Variants in COL11A1 observed in about 807,000 individuals in gnomAD.
COL11A1 encodes the protein collagen alpha-1(XI) chain.
Under a neutral mutation model 265.2 loss-of-function variants are expected in COL11A1, and 74 were observed. That is an observed-to-expected ratio of 0.28 (90% CI 0.23 to 0.34). The LOEUF (loss-of-function observed/expected upper bound fraction) is 0.34, where lower values mean the gene tolerates loss of function less well. Among genes scored for constraint, COL11A1 ranks in the 10% least tolerant of loss-of-function variants. The probability of loss-of-function intolerance (pLI) is 1.00; values close to 1 mark genes in which losing one functional copy is unlikely to be tolerated. For synonymous variants in COL11A1, 816 were observed against 727.6 expected, an observed-to-expected ratio of 1.12 and a Z score of -1.96; for missense variants, 2,165 against 2,263.6, an observed-to-expected ratio of 0.96 and a Z score of 0.88.
chr1:102,910,638 ACT>A (rs1262739527), intron 54 of COL11A1, among the ~76,000 whole-genome samples: 2 of 151,778 alleles, frequency 1.3e-5, no homozygotes, highest in Non-Finnish European at 2.9e-5. Flanking sequence ...CTATGCCATA[ACT>A]CAGTGCTAAC....
At chr1:103,078,901 T>G in intron 2 of COL11A1, 30 bp from the exon 3 acceptor site, 1 of 1,417,792 alleles carries the variant, frequency 7.1e-7, no homozygotes, top group Non-Finnish European at 9.8e-7. Flanking sequence ...GAGTTAGAAA[T>G]TTCCAATTTC....
Position 102,878,039 on chromosome 1 carries a change from G to A in COL11A1, c.5401C>T (p.Pro1801Ser), listed in dbSNP as rs772836164. 5 of 1,613,418 alleles carry A rather than the reference G, an allele frequency of 3.1e-6. No homozygotes were observed. Among genetic ancestry groups the A allele is most frequent in the Non-Finnish European group, 3.4e-6 (4 of 1,179,658 alleles). The stretch of plus-strand genomic sequence containing the variant: ...TAATCTTAGCCAAGAAAACAAACAG[G>A]ACCAACTTCAAATCCGAACTTCTGA... The part of the protein sequence containing the change: ...QNQKFGFEVG[P>S]VCFLG Residue 1801 changes from proline to serine, a missense_variant, in exon 67 of 67, where the codon CCT (proline) becomes TCT (serine). Transcript: ENST00000370096.
At chr1:103,035,820 GT>G (rs71795715) in intron 4 of COL11A1, among the ~76,000 whole-genome samples, 2 of 151,652 alleles carry the variant, frequency 1.3e-5, no homozygotes, top group East Asian at 1.9e-4. Flanking sequence ...TAGTTTCTGA[GT>G]TTTTTTGTAA....
intron 41 of COL11A1, among the ~76,000 whole-genome samples, chr1:102,957,748 G>A (rs149310439): frequency 1.1e-4 from 16 of 152,064 alleles, no homozygotes; most frequent in African/African-American, 3.6e-4. Flanking sequence ...ATGAGTTTAT[G>A]TAAAGTGCTA....
At chr1:103,044,548 A>G (rs760257048) in intron 4 of COL11A1, among the ~76,000 whole-genome samples, 11 of 152,106 alleles carry the variant, frequency 7.2e-5, no homozygotes, top group Non-Finnish European at 1.3e-4. Flanking sequence ...CTAGGTTATC[A>G]ATGTTAAACA....
intron 41 of COL11A1, among the ~76,000 whole-genome samples, chr1:102,958,555 T>A (rs916056951): frequency 6.6e-6 from 1 of 152,156 alleles, no homozygotes; most frequent in Non-Finnish European, 1.5e-5. Context: ...AACTGAGTCA[T>A]CATCATGCAC....
chr1:102,894,040 G>A (rs1050330743), intron 57 of COL11A1, among the ~76,000 whole-genome samples: 6 of 152,082 alleles, frequency 3.9e-5, no homozygotes, highest in Non-Finnish European at 7.4e-5. Context: ...CATAAATGCT[G>A]AATAATTTTT....
chr1:102,970,078 C>T, intron 37 of COL11A1, 141 bp downstream of exon 37: 2 of 490,870 alleles, frequency 4.1e-6, no homozygotes, highest in Admixed American at 3.4e-5. Flanking sequence ...ATGTATATTT[C>T]AATAAAAGGC....
At chr1:102,995,493 G>T (rs1292381324) in intron 28 of COL11A1, among the ~76,000 whole-genome samples, 2 of 148,910 alleles carry the variant, frequency 1.3e-5, no homozygotes, top group African/African-American at 5.1e-5. Context: ...GATTTCAGTA[G>T]GGAAAAAAGG....
chr1:103,025,436 T>C (rs1016904868), intron 7 of COL11A1, 85 bp downstream of exon 7: 3 of 947,896 alleles, frequency 3.2e-6, no homozygotes, highest in Non-Finnish European at 3.4e-6. Context: ...TGAGAAATTA[T>C]AGATTCTTCC....
chr1:102,991,571 A>G (rs533582182), intron 28 of COL11A1, among the ~76,000 whole-genome samples: 1 of 152,174 alleles, frequency 6.6e-6, no homozygotes, highest in African/African-American at 2.4e-5. Context: ...TTTCTAGATC[A>G]TAGGTTGTTT....
intron 46 of COL11A1, among the ~76,000 whole-genome samples, chr1:102,931,002 G>T (rs1177262392): frequency 2.7e-5 from 4 of 149,008 alleles, no homozygotes; most frequent in Admixed American, 1.4e-4. Flanking sequence ...TATTAGTCTT[G>T]CTAGGGGTCT....
rs774497554 is a variant in COL11A1, at chr1:103,018,874, G to C, written c.1309-15C>G. 8.1e-6 allele frequency: 13 copies of C among 1,609,402 alleles called. No homozygotes were observed. The South Asian group carries it at 1.4e-4, about 18-fold the overall frequency. ...ACAAGCATACCCTATAACAGGAAAA[G>C]AGAACATCTCTACCAGGGAAATATA... On this transcript the variant is annotated splice_polypyrimidine_tract_variant and intron_variant, in intron 9 of 66. Transcript: ENST00000370096.
At position 103,018,868 on chromosome 1, in the gene COL11A1, G is replaced by T; in HGVS notation, c.1309-9C>A. The T allele has an allele frequency of 6.2e-7, 1 of 1,609,398 alleles. No individual in the cohort carries two copies. Among genetic ancestry groups the T allele is most frequent in the Non-Finnish European group, 8.5e-7 (1 of 1,176,592 alleles). ...CCTTCGACAAGCATACCCTATAACAGGAAAAGAGAACATCTCTACCAGGGA... is the reference window on the plus strand; with the variant it reads ...CCTTCGACAAGCATACCCTATAACATGAAAAGAGAACATCTCTACCAGGGA... On this transcript the variant is annotated splice_polypyrimidine_tract_variant and intron_variant, in intron 9 of 66. Coordinates refer to ENST00000370096, the MANE Select transcript of COL11A1 (RefSeq NM_001854.4).
chr1:103,044,818 G>A (rs985901249), intron 4 of COL11A1, among the ~76,000 whole-genome samples: 2 of 152,006 alleles, frequency 1.3e-5, no homozygotes, highest in African/African-American at 4.8e-5. Flanking sequence ...TTATATTCCA[G>A]AGGGAGAAAC....
intron 4 of COL11A1, among the ~76,000 whole-genome samples, chr1:103,060,117 A>G (rs1292059632): frequency 1.3e-5 from 2 of 152,188 alleles, no homozygotes; most frequent in Non-Finnish European, 2.9e-5. Context: ...CAGAGGGGAA[A>G]AAAACCAACT....
Position 102,889,549 on chromosome 1 carries a change from A to G in COL11A1, c.4370T>C (p.Leu1457Ser). 6.2e-7 allele frequency: 1 copy of G among 1,613,428 alleles called. No homozygotes were observed. The highest frequency in any genetic ancestry group is 8.5e-7 in the Non-Finnish European group (1 of 1,179,538). The change falls in exon 59 of 67, where the codon TTA becomes TCA. Residue 1457 changes from leucine to serine, a missense_variant. Leu to Ser is a moderately radical substitution (Grantham distance 145). Coordinates refer to ENST00000370096, the MANE Select transcript of COL11A1 (RefSeq NM_001854.4). ...GSKGEKGHPG[L>S]IGLIGPPGEQ... ...TCCTGGAGGACCAATCAGGCCAATT[A>G]AACCAGGATGTCCCTTTGAAAGGCA...
Position 102,940,357 on chromosome 1 carries a change from A to C in COL11A1, c.3354T>G (p.Pro1118=). Residue 1118 remains proline (P), a synonymous_variant, in exon 43 of 67, where the codon CCT becomes CCG. Transcript: ENST00000370096. The part of the protein sequence containing the change: ...GPVGLPGPAG[P]AGSPGEDGDK... Reference sequence around the variant, plus strand: ...CTCCGTCTTCCCCAGGGGAGCCGGCAGGACCAGCTGGCCCTGGGAGACCAA... The same window carrying C: ...CTCCGTCTTCCCCAGGGGAGCCGGCCGGACCAGCTGGCCCTGGGAGACCAA... 6.2e-7 allele frequency: 1 copy of C among 1,614,038 alleles called. No individual in the cohort carries two copies. The highest frequency in any genetic ancestry group is 8.5e-7 in the Non-Finnish European group (1 of 1,179,960).
chr1:102,900,904 A>G (rs1313034843), intron 54 of COL11A1, among the ~76,000 whole-genome samples: 1 of 152,190 alleles, frequency 6.6e-6, no homozygotes, highest in Non-Finnish European at 1.5e-5. Context: ...AGATGACAAA[A>G]AAATAAGAAA....
Sources: allele counts gnomAD v4.1 joint callset (sites outside exome capture counted in the v4.1 genomes callset), GRCh38; gene constraint gnomAD v4.1.1; transcripts MANE v1.5; gene names NCBI Gene and HGNC (gene_info 2026-07-23, HGNC 2026-07-21).